Variants in NBPF20 observed in about 807,000 individuals in gnomAD.
The protein encoded by NBPF20 is NBPF family member NBPF20.
NBPF20 carries 90 observed loss-of-function variants against 68.1 expected under a neutral mutation model. The ratio of observed to expected loss-of-function variants is 1.32; its 90% CI spans 1.11 to 1.58. The LOEUF is 1.58. Among genes scored for constraint, NBPF20 ranks in the 40% most tolerant of loss-of-function variants. NBPF20 has a pLI of 0.00. For synonymous variants in NBPF20, 290 were observed against 228.1 expected, an observed-to-expected ratio of 1.27 and a Z score of -2.45; for missense variants, 816 against 601.2, an observed-to-expected ratio of 1.36 and a Z score of -3.74.
chr1:145,291,389 G>A (rs587766776), exon 138 of NBPF20: 7 of 1,575,962 alleles, frequency 4.4e-6, no homozygotes, highest in African/African-American at 2.7e-5. Context: ...GGCATGGTTT[G>A]AGAATAGGAA....
chr1:145,292,649 G>C (rs1661213481), intron 136 of NBPF20, among the ~76,000 whole-genome samples, 160 bp from the exon 142 acceptor site: 1 of 148,202 alleles, frequency 6.7e-6, no homozygotes, highest in African/African-American at 2.6e-5. Flanking sequence ...GTTCATGATA[G>C]AACTTCCTCG....
At chr1:145,400,338 A>C (rs1449409657) in intron 6 of NBPF20, 51 bp downstream of exon 11, 42 of 1,609,844 alleles carry the variant, frequency 2.6e-5, no homozygotes, top group Non-Finnish European at 2.8e-5. Context: ...TTCAGAGTTT[A>C]TCTTCCTCAG....
intron 9 of NBPF20, chr1:145,393,574 G>A: frequency 1.5e-6 from 1 of 647,346 alleles, no homozygotes; most frequent in East Asian, 2.7e-5. Flanking sequence ...AGGACACACT[G>A]TGAACAGTGA....
In NBPF20 at chr1:145,334,896, C is replaced by G. The variant is rs1362861286; in HGVS notation, c.10053-265G>C. On this transcript the variant is annotated intron_variant, in intron 83 of 137. Coordinates refer to ENST00000369373, the Ensembl canonical transcript of NBPF20. The stretch of plus-strand genomic sequence containing the variant: ...CTCAGCGAGTTGGCCGGGTGACACA[C>G]TGATGAAGGGGTCAAAGGACACTCT... Among the ~76,000 whole-genome samples the G allele has an allele frequency of 3.7e-5, 5 of 135,798 alleles. No homozygotes were observed. The East Asian group carries it at 1.1e-3, about 29-fold the overall frequency. The allele number at this position is 135,798 out of a possible 152,430, so 89.1% of individuals were successfully genotyped here.
exon 8 of NBPF20, chr1:145,395,033 G>T: frequency 6.2e-7 from 1 of 1,611,590 alleles, no homozygotes; most frequent in South Asian, 1.1e-5. Flanking sequence ...GAAATGTGCT[G>T]CTGTAAGACT....
chr1:145,410,363 G>A (rs1662960346), upstream of NBPF20, among the ~76,000 whole-genome samples: 1 of 148,166 alleles, frequency 6.7e-6, no homozygotes, highest in African/African-American at 2.5e-5. Context: ...CGCCCAGGCT[G>A]GAGTGCAGTG....
intron 129 of NBPF20, among the ~76,000 whole-genome samples, chr1:145,298,359 C>A: frequency 6.9e-6 from 1 of 144,042 alleles, no homozygotes; most frequent in Non-Finnish European, 1.5e-5. Context: ...CACACACAGA[C>A]ACACACACAC....
Position 145,399,902 on chromosome 1 carries a change from G to C in NBPF20, c.775+484C>G, listed in dbSNP as rs1303704439. Among the ~76,000 whole-genome samples the C allele has an allele frequency of 2.9e-3, 442 of 150,840 alleles. 3 individuals carry two copies. The highest frequency in any genetic ancestry group is 0.01 in the African/African-American group (426 of 41,074). ...GGAAATATATCAGCAAAGTAAAGAAGAAAAGTTTCTGTCCTGATTTCAGGG... is the reference window on the plus strand; with the variant it reads ...GGAAATATATCAGCAAAGTAAAGAACAAAAGTTTCTGTCCTGATTTCAGGG... On this transcript the variant is annotated intron_variant, in intron 6 of 137. Coordinates refer to ENST00000369373, the Ensembl canonical transcript of NBPF20.
chr1:145,401,793 T>G (rs1200841478), intron 4 of NBPF20, among the ~76,000 whole-genome samples: 141 of 16,464 alleles, frequency 8.6e-3, no homozygotes, highest in Non-Finnish European at 0.015. Context: ...GAAGGACAAG[T>G]CATTCACTCT....
chr1:145,290,178 A>T (rs1209406818), exon 138 of NBPF20: 27 of 148,028 alleles, frequency 1.8e-4, no homozygotes, highest in African/African-American at 6.3e-4. Flanking sequence ...AATAATAGAC[A>T]CAGGCAGGGA....
chr1:145,291,922 G>T (rs1263737783), intron 137 of NBPF20, among the ~76,000 whole-genome samples, 153 bp from the exon 143 acceptor site: 1 of 151,776 alleles, frequency 6.6e-6, no homozygotes, highest in Non-Finnish European at 1.5e-5. Flanking sequence ...CCTATATGTT[G>T]GGATAGAACA....
upstream of NBPF20, among the ~76,000 whole-genome samples, chr1:145,406,866 AAAC>A (rs1292170817): frequency 1.8e-4 from 22 of 123,356 alleles, no homozygotes; most frequent in Admixed American, 1.8e-3. Flanking sequence ...TTAAGTTGTT[AAAC>A]AACAACATAA....
At chr1:145,292,447 C>G (rs782268819) in exon 137 of NBPF20, 2 of 709,726 alleles carry the variant, frequency 2.8e-6, no homozygotes, top group East Asian at 2.5e-5. Flanking sequence ...CTTCTTTGAT[C>G]TTCTTCCCCT....
exon 138 of NBPF20, chr1:145,291,285 T>A: frequency 1.5e-6 from 1 of 646,172 alleles, no homozygotes; most frequent in East Asian, 2.8e-5. Flanking sequence ...TTAAAATGTC[T>A]GACTGATCAC....
intron 9 of NBPF20, 199 bp downstream of exon 14, chr1:145,393,685 A>C: frequency 1.4e-6 from 2 of 1,413,496 alleles, no homozygotes; most frequent in South Asian, 1.3e-5. Context: ...AACTTTCACT[A>C]GGTTAGTAAA....
At chr1:145,307,195 A>G (rs1661422827) in intron 118 of NBPF20, among the ~76,000 whole-genome samples, 1 of 31,102 alleles carries the variant, frequency 3.2e-5, no homozygotes, top group Admixed American at 6.1e-4. Context: ...TCCAAATCAT[A>G]GTTCTGTGAA....
chr1:145,311,904 T>C (rs1199106005), intron 112 of NBPF20, among the ~76,000 whole-genome samples: 7 of 112,496 alleles, frequency 6.2e-5, no homozygotes, highest in East Asian at 2.2e-4. Context: ...ATCTACAAGA[T>C]CTACAAAATT....
Position 145,291,740 on chromosome 1 carries a change from T to C in NBPF20, c.16727A>G (p.Glu5576Gly), listed in dbSNP as rs202158625. 41 of 1,611,912 alleles carry C rather than the reference T, an allele frequency of 2.5e-5. 1 individual carries two copies. In the East Asian group the frequency reaches 7.1e-4, roughly 28 times the overall value. Reference sequence around the variant, plus strand: ...CAGTGAGTCCTGTAAGACTTCAGGCTCTTCCACTTCCATCAGCACGCCGTT... The same window carrying C: ...CAGTGAGTCCTGTAAGACTTCAGGCCCTTCCACTTCCATCAGCACGCCGTT... Residue 5576 changes from glutamate (E) to glycine (G), a missense_variant, in exon 138 of 138, where the codon GAG (glutamate) becomes GGG (glycine). Transcript: ENST00000369373.
At chr1:145,419,486 A>C in the NBPF20 span, among the ~76,000 whole-genome samples, 4 of 152,286 alleles carry the variant, frequency 2.6e-5, no homozygotes, top group African/African-American at 7.2e-5. Flanking sequence ...TCTGGTGCCC[A>C]AAAGAATGAG....
Sources: gnomAD v4.1 joint callset for allele counts (sites outside exome capture counted in the v4.1 genomes callset) on GRCh38, gnomAD v4.1.1 for gene constraint, MANE v1.5 for transcripts, NCBI Gene and HGNC (gene_info 2026-07-23, HGNC 2026-07-21) for gene names.